Variants in SSH2 observed in about 807,000 individuals in gnomAD.
SSH2 encodes protein phosphatase Slingshot homolog 2.
A neutral mutation model predicts 135.2 loss-of-function variants in SSH2; 37 were observed. The ratio of observed to expected loss-of-function variants is 0.27; its 90% CI spans 0.21 to 0.36. The LOEUF (loss-of-function observed/expected upper bound fraction) is 0.36, where lower values mean the gene tolerates loss of function less well. SSH2 is among the 10% of genes least tolerant of loss of function. The pLI is 1.00. For missense variants in SSH2, 1,408 were observed against 1,765.3 expected (o/e 0.80, Z 3.63); for synonymous variants, 628 against 646.2 (o/e 0.97, Z 0.43).
chr17:29,742,481 G>GTTTTTTTTTTTTTTT (rs35446491), intron 3 of SSH2, among the ~76,000 whole-genome samples: 1 of 90,652 alleles, frequency 1.1e-5, no homozygotes, highest in Non-Finnish European at 2.0e-5. Context: ...ACCACACCCA[G>GTTTTTTTTTTTTTTT]TTTTTTTTTT....
rs768124843 is a variant in SSH2, at chr17:29,652,865, C to G, written c.1080-2065G>C. Among the ~76,000 whole-genome samples the G allele has an allele frequency of 1.2e-3, 182 of 152,232 alleles. 2 individuals are homozygous for G. Among genetic ancestry groups the G allele is most frequent in the Admixed American group, 2.5e-3 (38 of 15,294 alleles). ...TAGAGATGCTGTTTCACCGTGTTGG[C>G]CAGGCTGGTCTCAAACTCCTGACCT... On this transcript the variant is annotated intron_variant, in intron 12 of 15. Transcript: ENST00000540801.
intron 1 of SSH2, among the ~76,000 whole-genome samples, chr17:29,879,558 C>T (rs528373086): frequency 2.0e-4 from 30 of 152,186 alleles, no homozygotes; most frequent in Admixed American, 4.6e-4. Context: ...TGCTCATTTT[C>T]TCATTCATTC....
At chr17:29,916,671 C>T (rs926513549) in intron 1 of SSH2, among the ~76,000 whole-genome samples, 1 of 151,960 alleles carries the variant, frequency 6.6e-6, no homozygotes, top group African/African-American at 2.4e-5. Flanking sequence ...AATAAAAATA[C>T]TTTTAGGGCT....
In SSH2 at chr17:29,823,672, G is replaced by A. The variant is rs149313039; in HGVS notation, c.144+25177C>T. On this transcript the variant is annotated intron_variant, in intron 2 of 15. Coordinates refer to ENST00000540801, the MANE Select transcript of SSH2 (RefSeq NM_001282129.2). ...GTGGGCAGATCACTTTGAGGTTAGC[G>A]GTTCCAGACCAGCCTGGCCAACATG... Among the ~76,000 whole-genome samples the A allele has an allele frequency of 2.1e-3, 317 of 152,054 alleles. 4 individuals are homozygous for A. Among genetic ancestry groups the A allele is most frequent in the African/African-American group, 7.2e-3 (297 of 41,478 alleles).
At chr17:29,740,871 G>A (rs1406588010) in intron 3 of SSH2, among the ~76,000 whole-genome samples, 2 of 152,158 alleles carry the variant, frequency 1.3e-5, no homozygotes, top group African/African-American at 2.4e-5. Flanking sequence ...AAGTCTGTTT[G>A]CTTATCTTTT....
intron 2 of SSH2, among the ~76,000 whole-genome samples, chr17:29,810,356 T>C (rs1272296960): frequency 6.6e-6 from 1 of 152,236 alleles, no homozygotes; most frequent in Non-Finnish European, 1.5e-5. Context: ...TAATCATAAA[T>C]TAGGGAACTA....
Position 29,815,471 on chromosome 17 carries a change from G to C in SSH2, c.145-21534C>G, listed in dbSNP as rs2042541859. On this transcript the variant is annotated intron_variant, in intron 2 of 15. Coordinates refer to ENST00000540801, the MANE Select transcript of SSH2 (RefSeq NM_001282129.2). ...AGACGGGGTTTTGCCATGTTGGCCA[G>C]GCTGGTCTTGAACTCCTGACCTCAG... Among the ~76,000 whole-genome samples, 8 of 152,080 alleles carry C rather than the reference G, an allele frequency of 5.3e-5. No homozygotes were observed. The South Asian group carries it at 1.7e-3, about 31-fold the overall frequency.
rs1598721236 is a variant in SSH2, at chr17:29,650,080, G to C, written c.1226+574C>G. ...TAGGATTGGCAAGGAAATCCCCAAGGACTTAAAAACAAAAAGGCAGTGTTG... is the reference window on the plus strand; with the variant it reads ...TAGGATTGGCAAGGAAATCCCCAAGCACTTAAAAACAAAAAGGCAGTGTTG... On this transcript the variant is annotated intron_variant, in intron 13 of 15. Transcript: ENST00000540801. 2.6e-5 allele frequency among the ~76,000 whole-genome samples: 4 copies of C among 152,184 alleles called. No homozygotes were observed. In the South Asian group the frequency reaches 8.3e-4, roughly 32 times the overall value.
rs376815701 is a variant in SSH2, at chr17:29,860,438, C to CTTT, written c.64-11512_64-11510dup. The stretch of plus-strand genomic sequence containing the variant: ...AGCGTCTCTTCATGGCCTTTGCCCA[C>CTTT]TTTTTTTTTTTTTTTTTTTTGAGAC... On this transcript the variant is annotated intron_variant, in intron 1 of 15. Transcript: ENST00000540801. 9.9e-3 allele frequency among the ~76,000 whole-genome samples: 1,132 copies of CTTT among 114,254 alleles called. 63 individuals are homozygous for CTTT. The highest frequency in any genetic ancestry group is 0.014 in the Non-Finnish European group (842 of 58,298). The allele number at this position is 114,254 out of a possible 152,430, so 75.0% of individuals were successfully genotyped here.
At chr17:29,682,604 T>A (rs1360887478) in intron 6 of SSH2, among the ~76,000 whole-genome samples, 2 of 151,798 alleles carry the variant, frequency 1.3e-5, no homozygotes, top group African/African-American at 4.8e-5. Flanking sequence ...AGAGACTGTG[T>A]TCTTCACAAA....
At chr17:29,892,036 G>A (rs151203701) in intron 1 of SSH2, among the ~76,000 whole-genome samples, 600 of 151,880 alleles carry the variant, frequency 4.0e-3, no homozygotes, top group Non-Finnish European at 7.1e-3. Context: ...AGTAATAGCC[G>A]ACTTTCTTTT....
chr17:29,710,320 T>C (rs1429087819), intron 3 of SSH2, among the ~76,000 whole-genome samples: 1 of 152,242 alleles, frequency 6.6e-6, no homozygotes, highest in Non-Finnish European at 1.5e-5. Flanking sequence ...TGCCAAACTC[T>C]GGAGTTGGTT....
In SSH2 at chr17:29,816,275, G is replaced by A. The variant is rs981463032; in HGVS notation, c.145-22338C>T. ...GAGCATCAAATTTACTTAACGGGAAGTAATATTTTTATAGTAACAGATATA... is the reference window on the plus strand; with the variant it reads ...GAGCATCAAATTTACTTAACGGGAAATAATATTTTTATAGTAACAGATATA... On this transcript the variant is annotated intron_variant, in intron 2 of 15. Transcript: ENST00000540801. 2.6e-5 allele frequency among the ~76,000 whole-genome samples: 4 copies of A among 152,296 alleles called. No homozygotes were observed. In the East Asian group the frequency reaches 7.7e-4, roughly 29 times the overall value.
intron 15 of SSH2, among the ~76,000 whole-genome samples, chr17:29,633,806 A>G (rs895278782): frequency 1.3e-5 from 2 of 152,252 alleles, no homozygotes; most frequent in Admixed American, 1.3e-4. Context: ...GACACCTCTT[A>G]AAGTAGTATC....
chr17:29,909,280 T>TA lies in SSH2; in HGVS notation c.63+20657dup, dbSNP rs371250950. 1.6e-3 allele frequency among the ~76,000 whole-genome samples: 237 copies of TA among 152,300 alleles called. 1 individual carries two copies. Among genetic ancestry groups the TA allele is most frequent in the African/African-American group, 5.4e-3 (225 of 41,550 alleles). On this transcript the variant is annotated intron_variant, in intron 1 of 15. Coordinates refer to ENST00000540801, the MANE Select transcript of SSH2 (RefSeq NM_001282129.2). Reference sequence around the variant, plus strand: ...AATTAACTAGACCTGTCCCCCTTTTTACTAACAAACAATATTTCCGGGTAT... The same window carrying TA: ...AATTAACTAGACCTGTCCCCCTTTTTAACTAACAAACAATATTTCCGGGTAT...
At chr17:29,689,896 C>T (rs1456221185) in intron 5 of SSH2, among the ~76,000 whole-genome samples, 1 of 151,660 alleles carries the variant, frequency 6.6e-6, no homozygotes, top group Non-Finnish European at 1.5e-5. Flanking sequence ...TACCTGTAAT[C>T]CCAGCTACTC....
At chr17:29,635,928 A>G in intron 15 of SSH2, 40 bp downstream of exon 15, 1 of 1,425,360 alleles carries the variant, frequency 7.0e-7, no homozygotes, top group African/African-American at 1.4e-5. Flanking sequence ...ACCTTTGAAG[A>G]GAACTTCATT....
chr17:29,761,515 C>T (rs902560222), intron 3 of SSH2: 1 of 843,684 alleles, frequency 1.2e-6, no homozygotes. Context: ...TAGGCCCGGC[C>T]GGCGCCCCGC....
chr17:29,742,589 C>T lies in SSH2; in HGVS notation c.189-39527G>A, dbSNP rs1421540455. On this transcript the variant is annotated intron_variant, in intron 3 of 15. Transcript: ENST00000540801. ...GCCCAAGCAGTTCTCCCGCCTTAGTCTTCCAAAGTGCTGGTATTACAGACA... is the reference window on the plus strand; with the variant it reads ...GCCCAAGCAGTTCTCCCGCCTTAGTTTTCCAAAGTGCTGGTATTACAGACA... Among the ~76,000 whole-genome samples the T allele has an allele frequency of 2.1e-5, 3 of 145,100 alleles. No individual in the cohort carries two copies. The Admixed American group carries it at 2.2e-4, about 10-fold the overall frequency.
Sources: gnomAD v4.1 joint callset for allele counts (sites outside exome capture counted in the v4.1 genomes callset) on GRCh38, gnomAD v4.1.1 for gene constraint, MANE v1.5 for transcripts, NCBI Gene and HGNC (gene_info 2026-07-23, HGNC 2026-07-21) for gene names.